Variants in DCDC1 observed in about 807,000 individuals in gnomAD.
The protein encoded by DCDC1 is doublecortin domain containing 1, also known as doublecortin domain-containing protein 1.
A neutral mutation model predicts 178.3 loss-of-function variants in DCDC1; 200 were observed. That is an observed-to-expected ratio of 1.12 (90% CI 1.00 to 1.26). The LOEUF (loss-of-function observed/expected upper bound fraction) is 1.26. DCDC1 is among the 50% of genes most tolerant of loss of function. The pLI, the probability that DCDC1 is intolerant of heterozygous loss-of-function variation, is 0.00. For synonymous variants in DCDC1, 690 were observed against 604.8 expected, an observed-to-expected ratio of 1.14 and a Z score of -2.07; for missense variants, 1,983 against 1,749.2, an observed-to-expected ratio of 1.13 and a Z score of -2.38.
intron 9 of DCDC1, among the ~76,000 whole-genome samples, chr11:31,233,989 C>G (rs1426782415): frequency 6.6e-6 from 1 of 152,136 alleles, no homozygotes. Flanking sequence ...TTGTGCTGTA[C>G]AGTTCTAAAA....
At chr11:31,215,211 C>T (rs920904644) in intron 9 of DCDC1, 4 of 246,908 alleles carry the variant, frequency 1.6e-5, no homozygotes, top group Non-Finnish European at 3.4e-5. Context: ...AGGAGGATCC[C>T]TTGAGCACAG....
chr11:30,913,956 G>A (rs1052080096), intron 27 of DCDC1, among the ~76,000 whole-genome samples: 12 of 152,178 alleles, frequency 7.9e-5, no homozygotes, highest in Non-Finnish European at 1.0e-4. Flanking sequence ...ACAGAAAGCC[G>A]AGGCAATAAT....
intron 9 of DCDC1, among the ~76,000 whole-genome samples, chr11:31,189,724 A>G (rs1388078753): frequency 6.6e-6 from 1 of 152,070 alleles, no homozygotes; most frequent in African/African-American, 2.4e-5. Context: ...TGTTTCCATC[A>G]TCACATCCCC....
In DCDC1 at chr11:30,903,340, T is replaced by A. The variant is rs1025638065; in HGVS notation, c.4510+142A>T. 3.9e-6 allele frequency: 3 copies of A among 771,842 alleles called. No homozygotes were observed. In the Admixed American group the frequency reaches 1.2e-4, roughly 31 times the overall value. 47.8% of individuals were successfully genotyped at this position (771,842 alleles called of 1,614,324 possible). A position where few individuals can be genotyped will look rare whatever the true frequency, so the allele number is the denominator to read the frequency against. ...GCAAGGTGAAAACAACATGACAATT[T>A]CATTGACACTCTTCGGGTCACAAAA... On this transcript the variant is annotated intron_variant, in intron 32 of 38. Coordinates refer to ENST00000684477, the MANE Select transcript of DCDC1 (RefSeq NM_001387274.1).
intron 9 of DCDC1, among the ~76,000 whole-genome samples, chr11:31,223,796 A>G (rs1974568185): frequency 6.6e-6 from 1 of 152,130 alleles, no homozygotes; most frequent in Non-Finnish European, 1.5e-5. Context: ...GGCAAAACAC[A>G]TATATATGTA....
chr11:31,057,859 G>A (rs1355285222), intron 20 of DCDC1, among the ~76,000 whole-genome samples: 1 of 152,122 alleles, frequency 6.6e-6, no homozygotes, highest in Non-Finnish European at 1.5e-5. Flanking sequence ...TATCACCAGG[G>A]AGGAGTGTTC....
At chr11:30,998,610 T>C (rs1951402797) in intron 20 of DCDC1, among the ~76,000 whole-genome samples, 2 of 152,178 alleles carry the variant, frequency 1.3e-5, no homozygotes, top group African/African-American at 4.8e-5. Flanking sequence ...ATCATAGCTA[T>C]AAATGCTACA....
At chr11:31,216,587 A>G (rs761359737) in intron 9 of DCDC1, among the ~76,000 whole-genome samples, 18 of 152,206 alleles carry the variant, frequency 1.2e-4, no homozygotes, top group Non-Finnish European at 2.6e-4. Flanking sequence ...AAATCAAACT[A>G]GAGATTTTTG....
chr11:30,971,415 A>G (rs1949769430), intron 20 of DCDC1, among the ~76,000 whole-genome samples: 1 of 152,112 alleles, frequency 6.6e-6, no homozygotes, highest in Non-Finnish European at 1.5e-5. Flanking sequence ...AAACAATACA[A>G]AGAAATTAGG....
At chr11:31,179,968 C>G (rs1204516986) in intron 9 of DCDC1, among the ~76,000 whole-genome samples, 1 of 152,136 alleles carries the variant, frequency 6.6e-6, no homozygotes. Flanking sequence ...CCCAGGAATG[C>G]AAGGGTGATT....
At chr11:31,090,373 C>G (rs1957748734) in intron 17 of DCDC1, among the ~76,000 whole-genome samples, 1 of 152,128 alleles carries the variant, frequency 6.6e-6, no homozygotes, top group Non-Finnish European at 1.5e-5. Flanking sequence ...GGCCTGACTG[C>G]TTGGGTTTGC....
intron 3 of DCDC1, chr11:31,314,696 C>T (rs544563120): frequency 6.6e-6 from 1 of 152,120 alleles, no homozygotes; most frequent in East Asian, 1.9e-4. Flanking sequence ...TGATCGCTAT[C>T]ATTTAAGAGT....
chr11:31,292,451 C>A (rs951756987), intron 6 of DCDC1, among the ~76,000 whole-genome samples: 1 of 152,052 alleles, frequency 6.6e-6, no homozygotes, highest in African/African-American at 2.4e-5. Flanking sequence ...GAATGAAGTA[C>A]TGATACTTGC....
chr11:30,924,456 G>C (rs1341996005), intron 23 of DCDC1, among the ~76,000 whole-genome samples: 1 of 152,012 alleles, frequency 6.6e-6, no homozygotes, highest in East Asian at 1.9e-4. Context: ...AATCAAGGAA[G>C]GTATCTTTTT....
intron 9 of DCDC1, among the ~76,000 whole-genome samples, chr11:31,189,349 C>G (rs1052821704): frequency 9.2e-5 from 14 of 152,146 alleles, no homozygotes; most frequent in Admixed American, 2.6e-4. Flanking sequence ...GTAACTTCTG[C>G]AACCATACTG....
At chr11:31,195,076 C>G (rs752476307) in intron 9 of DCDC1, among the ~76,000 whole-genome samples, 3 of 152,032 alleles carry the variant, frequency 2.0e-5, no homozygotes, top group Admixed American at 2.0e-4. Flanking sequence ...GGCTTCCTCA[C>G]GCCTTACTTT....
chr11:31,132,631 T>G (rs941395844), intron 10 of DCDC1, among the ~76,000 whole-genome samples: 27 of 152,238 alleles, frequency 1.8e-4, no homozygotes, highest in South Asian at 4.2e-4. Flanking sequence ...TATGTGTGTG[T>G]GGGGGCATCC....
chr11:31,125,193 C>A (rs1320416766), intron 11 of DCDC1, among the ~76,000 whole-genome samples: 1 of 152,046 alleles, frequency 6.6e-6, no homozygotes, highest in Non-Finnish European at 1.5e-5. Flanking sequence ...CATCACTGAT[C>A]GTTAGAGAAA....
At position 31,268,286 on chromosome 11, in the gene DCDC1, T is replaced by G. The variant is rs372755388; in HGVS notation, c.961-2686A>C. Among the ~76,000 whole-genome samples the G allele has an allele frequency of 1.1e-4, 16 of 152,316 alleles. No homozygotes were observed. The East Asian group carries it at 2.9e-3, about 28-fold the overall frequency. Reference sequence around the variant, plus strand: ...AAAACTATAATCTACTTGAAGGTAGTCCCATTTACTTCAACCAAAATTTCA... The same window carrying G: ...AAAACTATAATCTACTTGAAGGTAGGCCCATTTACTTCAACCAAAATTTCA... On this transcript the variant is annotated intron_variant, in intron 7 of 38. Transcript: ENST00000684477.
Sources: gnomAD v4.1 joint callset for allele counts (sites outside exome capture counted in the v4.1 genomes callset) on GRCh38, gnomAD v4.1.1 for gene constraint, MANE v1.5 for transcripts, NCBI Gene and HGNC (gene_info 2026-07-23, HGNC 2026-07-21) for gene names.